Variants in POLR3C observed in about 807,000 individuals in gnomAD.
The protein encoded by POLR3C is RNA polymerase III subunit C, also known as DNA-directed RNA polymerase III subunit RPC3.
In POLR3C, 44 loss-of-function variants were observed where a neutral mutation model predicts 65.9. The observed-to-expected ratio is 0.67, with a 90% CI of 0.52 to 0.86. POLR3C has a LOEUF of 0.86. Ranked by LOEUF, POLR3C falls within the 40% of genes least tolerant of loss-of-function variation. The pLI, the probability that POLR3C is intolerant of heterozygous loss-of-function variation, is 0.00. For synonymous variants in POLR3C, 263 were observed against 231.6 expected (o/e 1.14, Z -1.23); for missense variants, 576 against 653.2 (o/e 0.88, Z 1.29).
At chr1:145,835,174 C>T (rs1314714108) in intron 7 of POLR3C, among the ~76,000 whole-genome samples, 2 of 146,116 alleles carry the variant, frequency 1.4e-5, no homozygotes, top group South Asian at 2.2e-4. Flanking sequence ...AAAGGCCGGA[C>T]GCAGCAGCTC....
chr1:145,841,137 G>T, intron 14 of POLR3C, 66 bp downstream of exon 14: 1 of 1,392,068 alleles, frequency 7.2e-7, no homozygotes, highest in South Asian at 1.2e-5. Flanking sequence ...TTGACCTCCT[G>T]TAACCCTCCA....
At chr1:145,829,600 A>G (rs1651119575) in intron 5 of POLR3C, among the ~76,000 whole-genome samples, 1 of 152,222 alleles carries the variant, frequency 6.6e-6, no homozygotes, top group Non-Finnish European at 1.5e-5. Context: ...TTTAGAAGAA[A>G]TCCAAGGTAC....
At position 145,824,211 on chromosome 1, in the gene POLR3C, C is replaced by T. The variant is rs587656391; in HGVS notation, c.-179C>T. On this transcript the variant is annotated 5_prime_UTR_variant, in exon 1 of 15. Coordinates refer to ENST00000334163, the MANE Select transcript of POLR3C (RefSeq NM_006468.8). The stretch of plus-strand genomic sequence containing the variant: ...CGAAACTCTGGGGTAGAGTGGCACG[C>T]GCTTTTTGCTTTTCCGCGTCTTCTT... 5 of 308,082 alleles carry T rather than the reference C, an allele frequency of 1.6e-5. No homozygotes were observed. The South Asian group carries it at 1.7e-4, about 11-fold the overall frequency. The allele number at this position is 308,082 out of a possible 1,614,324, so 19.1% of individuals were successfully genotyped here.
chr1:145,827,023 CT>C lies in POLR3C; in HGVS notation c.589+19del, dbSNP rs1553726014. ...CTTGATAGGTAAGGAATTTTAACCC[CT>C]GGAACTGTGACTTGCCTTAATTGTG... On this transcript the variant is annotated intron_variant, in intron 4 of 14. Coordinates refer to ENST00000334163, the MANE Select transcript of POLR3C (RefSeq NM_006468.8). 6.4e-7 allele frequency: 1 copy of C among 1,569,166 alleles called. No homozygotes were observed. The highest frequency in any genetic ancestry group is 1.4e-5 in the African/African-American group (1 of 73,134).
chr1:145,827,178 A>T (rs1650831759), intron 4 of POLR3C, among the ~76,000 whole-genome samples, 173 bp downstream of exon 4: 1 of 152,266 alleles, frequency 6.6e-6, no homozygotes, highest in Non-Finnish European at 1.5e-5. Flanking sequence ...TATAGGAGAC[A>T]TACATTAATC....
intron 7 of POLR3C, among the ~76,000 whole-genome samples, chr1:145,835,167 G>T (rs1252974443): frequency 7.7e-6 from 1 of 130,138 alleles, no homozygotes; most frequent in Non-Finnish European, 1.6e-5. Flanking sequence ...AAAAAAAAAA[G>T]GCCGGACGCA....
intron 10 of POLR3C, among the ~76,000 whole-genome samples, 188 bp downstream of exon 10, chr1:145,837,784 G>T (rs1482442664): frequency 6.6e-6 from 1 of 152,086 alleles, no homozygotes. Context: ...AATTCCTACC[G>T]ATGCAAATTA....
chr1:145,827,444 C>G (rs1235007947), intron 4 of POLR3C, among the ~76,000 whole-genome samples: 6 of 152,012 alleles, frequency 3.9e-5, no homozygotes, highest in Non-Finnish European at 7.4e-5. Context: ...TGTTGAAACC[C>G]CATCTCTACT....
chr1:145,836,256 G>A (rs1051216207), intron 7 of POLR3C, among the ~76,000 whole-genome samples: 1 of 152,068 alleles, frequency 6.6e-6, no homozygotes, highest in African/African-American at 2.4e-5. Context: ...AAATAGCTGG[G>A]ATTACAGGCA....
Position 145,842,965 on chromosome 1 carries a change from A to G in POLR3C, c.*545A>G, listed in dbSNP as rs995525375. Among the ~76,000 whole-genome samples the G allele has an allele frequency of 6.6e-6, 1 of 151,938 alleles. No homozygotes were observed. The highest frequency in any genetic ancestry group is 2.4e-5 in the African/African-American group (1 of 41,390). Reference sequence around the variant, plus strand: ...GTAGCTGGGACTACAGGCATGCACCACACATACCCAGCTATTTTTTATTTA... The same window carrying G: ...GTAGCTGGGACTACAGGCATGCACCGCACATACCCAGCTATTTTTTATTTA... On this transcript the variant is annotated 3_prime_UTR_variant, in exon 15 of 15. Coordinates refer to ENST00000334163, the MANE Select transcript of POLR3C (RefSeq NM_006468.8).
At chr1:145,835,765 G>T (rs955560099) in intron 7 of POLR3C, among the ~76,000 whole-genome samples, 1 of 152,014 alleles carries the variant, frequency 6.6e-6, no homozygotes, top group Non-Finnish European at 1.5e-5. Flanking sequence ...GTAGAGACAG[G>T]GTTTCACTGT....
chr1:145,827,675 C>CT (rs1650887949), intron 4 of POLR3C, among the ~76,000 whole-genome samples: 1 of 150,208 alleles, frequency 6.7e-6, no homozygotes, highest in Admixed American at 6.7e-5. Flanking sequence ...AGGAAAATAG[C>CT]ATGAACCCGG....
rs1485428906 is a variant in POLR3C at position 145,843,712 on chromosome 1, A to G, written c.*1292A>G. 1.3e-5 allele frequency among the ~76,000 whole-genome samples: 2 copies of G among 152,262 alleles called. No homozygotes were observed. The highest frequency in any genetic ancestry group is 1.3e-4 in the Admixed American group (2 of 15,280). On this transcript the variant is annotated 3_prime_UTR_variant, in exon 15 of 15. Coordinates refer to ENST00000334163, the MANE Select transcript of POLR3C (RefSeq NM_006468.8). The stretch of plus-strand genomic sequence containing the variant: ...GAGAGGCCAGAAAGGGAAAAGGGTC[A>G]GGCAGGGAAGGGAACACAGAGAGTG...
At chr1:145,842,021 C>G (rs1188466702) in intron 14 of POLR3C, among the ~76,000 whole-genome samples, 4 of 152,148 alleles carry the variant, frequency 2.6e-5, no homozygotes, top group Admixed American at 2.6e-4. Context: ...GCTTCAGACA[C>G]TCTTAGTTTC....
At position 145,842,529 on chromosome 1, in the gene POLR3C, AC is replaced by A; in HGVS notation, c.*115del. Reference sequence around the variant, plus strand: ...GATAAGTCGCAGAGTCTTCAACTAAACCCCCCTCTCTATCCCCTGCAGCCCA... The same window carrying A: ...GATAAGTCGCAGAGTCTTCAACTAAACCCCCTCTCTATCCCCTGCAGCCCA... On this transcript the variant is annotated 3_prime_UTR_variant, in exon 15 of 15. Transcript: ENST00000334163. 3.8e-6 allele frequency: 3 copies of A among 781,914 alleles called. No homozygotes were observed. The highest frequency in any genetic ancestry group is 3.4e-5 in the African/African-American group (2 of 59,082). The allele number at this position is 781,914 out of a possible 1,614,324, so 48.4% of individuals were successfully genotyped here. A position where few individuals can be genotyped will look rare whatever the true frequency, so the allele number is the denominator to read the frequency against.
At chr1:145,827,965 C>T (rs1416421855) in intron 4 of POLR3C, among the ~76,000 whole-genome samples, 2 of 150,300 alleles carry the variant, frequency 1.3e-5, no homozygotes, top group African/African-American at 2.4e-5. Flanking sequence ...TAACGAGAGA[C>T]GGGATTCATC....
In POLR3C at chr1:145,834,726, T is replaced by C. The variant is rs1651656234; in HGVS notation, c.876+1144T>C. Among the ~76,000 whole-genome samples, 3 of 152,298 alleles carry C rather than the reference T, an allele frequency of 2.0e-5. No homozygotes were observed. The South Asian group carries it at 6.2e-4, about 32-fold the overall frequency. On this transcript the variant is annotated intron_variant, in intron 7 of 14. Transcript: ENST00000334163. Reference sequence around the variant, plus strand: ...CAACAGCTATGACATCACAAAGCAGTAGGAATTTTTCAGCTCCAGTATAAT... The same window carrying C: ...CAACAGCTATGACATCACAAAGCAGCAGGAATTTTTCAGCTCCAGTATAAT...
At position 145,842,996 on chromosome 1, in the gene POLR3C, TTA is replaced by T. The variant is rs1559155632; in HGVS notation, c.*578_*579del. Among the ~76,000 whole-genome samples, 1 of 152,114 alleles carries T rather than the reference TTA, an allele frequency of 6.6e-6. No homozygotes were observed. Among genetic ancestry groups the T allele is most frequent in the African/African-American group, 2.4e-5 (1 of 41,416 alleles). ...ACCCAGCTATTTTTTATTTATTTAT[TTA>T]TTTTTTTGTAGAGACAGGGCCTCCC... On this transcript the variant is annotated 3_prime_UTR_variant, in exon 15 of 15. Coordinates refer to ENST00000334163, the MANE Select transcript of POLR3C (RefSeq NM_006468.8).
chr1:145,840,260 C>T, intron 13 of POLR3C, 95 bp downstream of exon 13: 3 of 812,406 alleles, frequency 3.7e-6, no homozygotes, highest in Non-Finnish European at 4.2e-6. Context: ...AGACGCTGGG[C>T]CTGGCAGGGT....
Sources: allele counts gnomAD v4.1 joint callset (sites outside exome capture counted in the v4.1 genomes callset), GRCh38; gene constraint gnomAD v4.1.1; transcripts MANE v1.5; gene names NCBI Gene and HGNC (gene_info 2026-07-23, HGNC 2026-07-21).